GIGYF1: variants seen among roughly 807,000 people sequenced by gnomAD.
GIGYF1 encodes GRB10 interacting GYF protein 1.
GIGYF1 carries 84 observed loss-of-function variants against 147.1 expected under a neutral mutation model. That is an observed-to-expected ratio of 0.57 (90% CI 0.48 to 0.68). GIGYF1 has a LOEUF of 0.68. GIGYF1 is among the 30% of genes least tolerant of loss of function. GIGYF1 has a pLI of 0.00. For synonymous variants in GIGYF1, 752 were observed against 589.5 expected (o/e 1.28, Z -3.99); for missense variants, 1,485 against 1,393.7 (o/e 1.07, Z -1.04).
chr7:100,685,338 T>G lies in GIGYF1; in HGVS notation c.1192+6A>C. ...ACCCGGGAGGTAGGCCATCCTCCCT[T>G]CCTACCTTCGGCCGCTGGGGGCTCT... On this transcript the variant is annotated splice_donor_region_variant and intron_variant, in intron 13 of 26. Transcript: ENST00000678049. The G allele has an allele frequency of 6.3e-7, 1 of 1,592,436 alleles. No homozygotes were observed. The highest frequency in any genetic ancestry group is 1.1e-5 in the South Asian group (1 of 88,138).
chr7:100,687,547 G>T lies in GIGYF1; in HGVS notation c.331C>A (p.Leu111Met). The T allele has an allele frequency of 1.2e-6, 2 of 1,608,248 alleles. No homozygotes were observed. The highest frequency in any genetic ancestry group is 1.1e-5 in the South Asian group (1 of 90,710). The change falls in exon 7 of 27, where the codon CTG becomes ATG. Residue 111 changes from leucine to methionine, a missense_variant. Coordinates refer to ENST00000678049, the MANE Select transcript of GIGYF1 (RefSeq NM_001375765.1). ...CCCCTGCCTCGGGAGGTGCCAGCCAGGGGGGGGCCAGCCCCTTTCCCCATC... is the reference window on the plus strand; with the variant it reads ...CCCCTGCCTCGGGAGGTGCCAGCCATGGGGGGGCCAGCCCCTTTCCCCATC... The part of the protein sequence containing the change: ...RLMGKGAGPP[L>M]AGTSRGRGST...
rs542492951 is a variant in GIGYF1, at chr7:100,686,425, G to C, written c.703C>G (p.Pro235Ala). The C allele has an allele frequency of 3.8e-6, 6 of 1,597,180 alleles. No individual in the cohort carries two copies. The highest frequency in any genetic ancestry group is 2.2e-5 in the East Asian group (1 of 44,798). ...TGTTCCCGCCAGCCAGCAGAGCGGGGACCACCATCTGCACAGGAAAAGTCA... is the reference window on the plus strand; with the variant it reads ...TGTTCCCGCCAGCCAGCAGAGCGGGCACCACCATCTGCACAGGAAAAGTCA... ...RWRSASPDGG[P>A]RSAGWREHGE... Residue 235 changes from proline (P) to alanine (A), a missense_variant, in exon 11 of 27, where the codon CCC becomes GCC. Transcript: ENST00000678049.
At chr7:100,682,051 T>C in intron 25 of GIGYF1, 21 bp downstream of exon 25, 12 of 1,611,982 alleles carry the variant, frequency 7.4e-6, no homozygotes, top group Non-Finnish European at 1.0e-5. Context: ...CCACCCCAGC[T>C]GCTGGTGCCG....
chr7:100,684,968 T>C, intron 14 of GIGYF1, 74 bp from the exon 15 acceptor site: 2 of 1,578,542 alleles, frequency 1.3e-6, no homozygotes, highest in Non-Finnish European at 8.6e-7. Context: ...GGGATGGAGC[T>C]TGAGCTGGGG....
Position 100,683,105 on chromosome 7 carries a change from C to A in GIGYF1, c.2319G>T (p.Thr773=), listed in dbSNP as rs763839483. 7 of 1,591,850 alleles carry A rather than the reference C, an allele frequency of 4.4e-6. No individual in the cohort carries two copies. Among genetic ancestry groups the A allele is most frequent in the Non-Finnish European group, 6.0e-6 (7 of 1,174,252 alleles). ...GLAKQGLSMK[T]LLELQLEGER... ...CGCCCTCCAGCTGCAACTCCAGGAG[C>A]GTCTTCATGGACAGCCCCTGCTTGG... is the stretch of plus-strand genomic sequence containing the variant. The change falls in exon 22 of 27, where the codon ACG becomes ACT. Residue 773 remains threonine, a synonymous_variant. Transcript: ENST00000678049.
rs776952614 is a variant in GIGYF1, at chr7:100,685,032, T to A, written c.1290+17A>T. 11 of 1,560,172 alleles carry A rather than the reference T, an allele frequency of 7.1e-6. No homozygotes were observed. In the Middle Eastern group the frequency reaches 5.0e-4, roughly 71 times the overall value. On this transcript the variant is annotated intron_variant, in intron 14 of 26. Transcript: ENST00000678049. ...AGAAGTGGGAAGGGTCCCTCCCGCT[T>A]TCTCAGGCCCCCACACCTGCTGCAG... is the stretch of plus-strand genomic sequence containing the variant.
intron 8 of GIGYF1, 103 bp downstream of exon 8, chr7:100,687,195 G>C: frequency 1.4e-6 from 2 of 1,454,144 alleles, no homozygotes; most frequent in South Asian, 1.2e-5. Context: ...CGGGATCTCG[G>C]ACAGGGCTTA....
Position 100,686,423 on chromosome 7 carries a change from G to A in GIGYF1, c.705C>T (p.Pro235=), listed in dbSNP as rs372651318. The change falls in exon 11 of 27, where the codon CCC becomes CCT. Residue 235 remains proline, a synonymous_variant. Coordinates refer to ENST00000678049, the MANE Select transcript of GIGYF1 (RefSeq NM_001375765.1). ...RWRSASPDGG[P]RSAGWREHGE... ...CATGTTCCCGCCAGCCAGCAGAGCG[G>A]GGACCACCATCTGCACAGGAAAAGT... 387 of 1,598,602 alleles carry A rather than the reference G, an allele frequency of 2.4e-4. 1 individual carries two copies. Among genetic ancestry groups the A allele is most frequent in the Middle Eastern group, 3.3e-4 (2 of 5,994 alleles).
chr7:100,685,356 G>A lies in GIGYF1; in HGVS notation c.1180C>T (p.Pro394Ser). 1 of 1,597,702 alleles carries A rather than the reference G, an allele frequency of 6.3e-7. No individual in the cohort carries two copies. Among genetic ancestry groups the A allele is most frequent in the Non-Finnish European group, 8.5e-7 (1 of 1,175,314 alleles). ...CCTCCCTTCCTACCTTCGGCCGCTG[G>A]GGGCTCTTTCTCTGCAGTTTCGTCC... Reference protein sequence around the residue: ...DGDETAEKEPPAAEDDIRGIQ... With the variant: ...DGDETAEKEPSAAEDDIRGIQ... Residue 394 changes from proline to serine, a missense_variant, in exon 13 of 27, where the codon CCA becomes TCA. Coordinates refer to ENST00000678049, the MANE Select transcript of GIGYF1 (RefSeq NM_001375765.1).
At chr7:100,685,505 T>G (rs761756350) in intron 12 of GIGYF1, 24 bp from the exon 13 acceptor site, 2 of 1,590,018 alleles carry the variant, frequency 1.3e-6, no homozygotes, top group East Asian at 2.3e-5. Context: ...ATGGCCAGAG[T>G]TCAGAACCAA....
Position 100,688,007 on chromosome 7 carries a change from G to C in GIGYF1, c.139C>G (p.Leu47Val). 1 of 1,613,260 alleles carries C rather than the reference G, an allele frequency of 6.2e-7. No homozygotes were observed. The highest frequency in any genetic ancestry group is 8.5e-7 in the Non-Finnish European group (1 of 1,179,458). Residue 47 changes from leucine to valine, a missense_variant, in exon 5 of 27, where the codon CTG becomes GTG. Transcript: ENST00000678049. ...TTGTTCTCCTTGACGTAGAGAGCCA[G>C]CATTTCCTCTCGCCCATAACGGTAG... ...ADYRYGREEM[L>V]ALYVKENKVP...
In GIGYF1 at chr7:100,688,257, TGA is replaced by T. The variant is rs757961122; in HGVS notation, c.-21_-20del. On this transcript the variant is annotated 5_prime_UTR_variant, in exon 4 of 27. Coordinates refer to ENST00000678049, the MANE Select transcript of GIGYF1 (RefSeq NM_001375765.1). ...CTGCCATCGTGGGGCTGGGCGTGTT[TGA>T]GAGGCCGGGGGTGGGGAGGAGGGGA... 1 of 1,563,074 alleles carries T rather than the reference TGA, an allele frequency of 6.4e-7. No homozygotes were observed. The highest frequency in any genetic ancestry group is 2.3e-5 in the East Asian group (1 of 42,770).
At chr7:100,685,168 G>C (rs763711325) in intron 13 of GIGYF1, 22 bp from the exon 14 acceptor site, 1 of 1,557,612 alleles carries the variant, frequency 6.4e-7, no homozygotes, top group South Asian at 1.2e-5. Flanking sequence ...GAGATAGGAG[G>C]TGGAAAGAAG....
At position 100,683,368 on chromosome 7, in the gene GIGYF1, C is replaced by T. The variant is rs1308897575; in HGVS notation, c.2129G>A (p.Arg710His). Residue 710 changes from arginine (R) to histidine (H), a missense_variant, in exon 21 of 27, where the codon CGC (arginine) becomes CAC (histidine). Arg to His is a conservative substitution (Grantham distance 29). Transcript: ENST00000678049. ...EERKRREEKRRQQQQEEQKRR... is the reference protein window; with the variant it reads ...EERKRREEKRHQQQQEEQKRR... ...CTTCTGCTCCTCCTGCTGCTGCTGG[C>T]GGCGCTTCTCCTCTCGACGCTTGCG... 6 of 1,613,432 alleles carry T rather than the reference C, an allele frequency of 3.7e-6. No homozygotes were observed. Among genetic ancestry groups the T allele is most frequent in the Non-Finnish European group, 4.2e-6 (5 of 1,180,024 alleles).
intron 1 of GIGYF1, among the ~76,000 whole-genome samples, chr7:100,692,017 G>C (rs990454457): frequency 6.6e-6 from 1 of 152,200 alleles, no homozygotes; most frequent in Non-Finnish European, 1.5e-5. Flanking sequence ...CCTAAAATTA[G>C]CTCCAACACA....
At chr7:100,685,268 C>T (rs191913550) in intron 13 of GIGYF1, 76 bp downstream of exon 13, 5 of 1,533,778 alleles carry the variant, frequency 3.3e-6, no homozygotes, top group Admixed American at 4.1e-5. Context: ...GCCCTGTGTG[C>T]CCACCCCCAC....
rs201465657 is a variant in GIGYF1 at position 100,684,329 on chromosome 7, C to T, written c.1638G>A (p.Met546Ile). 54 of 1,597,220 alleles carry T rather than the reference C, an allele frequency of 3.4e-5. No individual in the cohort carries two copies. Among genetic ancestry groups the T allele is most frequent in the Non-Finnish European group, 2.3e-5 (27 of 1,172,980 alleles). ...GTTGCTTCTTCAGCCGCTCCTGGTCCATGTTTCCCTGCTCAGGTGAGAGCT... is the reference window on the plus strand; with the variant it reads ...GTTGCTTCTTCAGCCGCTCCTGGTCTATGTTTCCCTGCTCAGGTGAGAGCT... ...GPSPPPLLGN[M>I]DQERLKKQQE... Residue 546 changes from methionine to isoleucine, a missense_variant, in exon 17 of 27, where the codon ATG (methionine) becomes ATA (isoleucine). Coordinates refer to ENST00000678049, the MANE Select transcript of GIGYF1 (RefSeq NM_001375765.1).
At chr7:100,682,561 A>C in intron 23 of GIGYF1, 29 bp downstream of exon 23, 1 of 1,591,878 alleles carries the variant, frequency 6.3e-7, no homozygotes, top group East Asian at 2.2e-5. Flanking sequence ...CCTCAGGGCC[A>C]TCCCGGAGCC....
In GIGYF1 at chr7:100,686,744, G is replaced by A. The variant is rs1195389997; in HGVS notation, c.599C>T (p.Ser200Phe). The A allele has an allele frequency of 2.5e-6, 4 of 1,613,938 alleles. No homozygotes were observed. The highest frequency in any genetic ancestry group is 3.4e-6 in the Non-Finnish European group (4 of 1,179,998). ...HARSDSENWR[S>F]LREEQEEEEE... ...CTCCTCCTCCTGTTCCTCCCGTAGG[G>A]AGCGCCAGTTCTCGCTGTCTGAGCG... Residue 200 changes from serine to phenylalanine, a missense_variant, in exon 10 of 27, where the codon TCC becomes TTC. Physicochemically the swap from Ser to Phe is radical, Grantham distance 155 (BLOSUM62 -2). Coordinates refer to ENST00000678049, the MANE Select transcript of GIGYF1 (RefSeq NM_001375765.1).
Sources: gnomAD v4.1 joint callset for allele counts (sites outside exome capture counted in the v4.1 genomes callset) on GRCh38, gnomAD v4.1.1 for gene constraint, MANE v1.5 for transcripts, NCBI Gene and HGNC (gene_info 2026-07-23, HGNC 2026-07-21) for gene names.